The following CHL1 variants were observed in gnomAD, a reference collection of about 807,000 sequenced individuals.
CHL1 encodes the protein neural cell adhesion molecule L1-like protein.
Under a neutral mutation model 141.9 loss-of-function variants are expected in CHL1, and 96 were observed. The ratio of observed to expected loss-of-function variants is 0.68; its 90% CI spans 0.57 to 0.80. The LOEUF (loss-of-function observed/expected upper bound fraction) is 0.80. Among genes scored for constraint, CHL1 ranks in the 30% least tolerant of loss-of-function variants. The pLI is 0.00. For synonymous variants in CHL1, 613 were observed against 502.2 expected (o/e 1.22, Z -2.95); for missense variants, 1,820 against 1,457.2 (o/e 1.25, Z -4.05).
chr3:315,638 C>T (rs1390884956), intron 2 of CHL1, among the ~76,000 whole-genome samples: 1 of 151,752 alleles, frequency 6.6e-6, no homozygotes, highest in Non-Finnish European at 1.5e-5. Flanking sequence ...GGAAGTTGCC[C>T]TAGGAGGTAC....
At position 335,893 on chromosome 3, in the gene CHL1, G is replaced by C. The variant is rs140376385; in HGVS notation, c.386-4901G>C. 7.1e-3 allele frequency among the ~76,000 whole-genome samples: 1,086 copies of C among 152,260 alleles called. 17 individuals carry two copies. The highest frequency in any genetic ancestry group is 0.025 in the African/African-American group (1,042 of 41,532). On this transcript the variant is annotated intron_variant, in intron 5 of 27. Transcript: ENST00000256509. ...TGGCCTACCTTGTCTCTGTGCGTTT[G>C]GCTGTACCATGCAAAGTGAAAATAT...
At chr3:207,952 A>T (rs890962343) in intron 1 of CHL1, among the ~76,000 whole-genome samples, 2 of 152,204 alleles carry the variant, frequency 1.3e-5, no homozygotes. Flanking sequence ...GTCAAGTTCA[A>T]ATAAATTGGA....
intron 1 of CHL1, among the ~76,000 whole-genome samples, chr3:218,032 G>T (rs74745597): frequency 6.6e-6 from 1 of 152,026 alleles, no homozygotes; most frequent in Non-Finnish European, 1.5e-5. Context: ...GGGTGCTTTG[G>T]GGGCTGTTGT....
chr3:202,663 T>C (rs1241957800), intron 1 of CHL1, among the ~76,000 whole-genome samples: 1 of 152,202 alleles, frequency 6.6e-6, no homozygotes, highest in East Asian at 1.9e-4. Flanking sequence ...GTCCACAAGA[T>C]TGTGTTGGGC....
chr3:239,390 C>G (rs780304164), intron 1 of CHL1, among the ~76,000 whole-genome samples: 11 of 152,080 alleles, frequency 7.2e-5, no homozygotes, highest in Non-Finnish European at 1.3e-4. Flanking sequence ...ACACTTGCTC[C>G]GTTTTCAGTC....
intron 1 of CHL1, among the ~76,000 whole-genome samples, chr3:219,005 T>A (rs922644018): frequency 6.6e-6 from 1 of 151,874 alleles, no homozygotes; most frequent in Non-Finnish European, 1.5e-5. Flanking sequence ...AAAAATTAGC[T>A]GGGCATGGTG....
Position 260,742 on chromosome 3 carries a change from C to T in CHL1, c.-95+16050C>T, listed in dbSNP as rs953366737. Among the ~76,000 whole-genome samples, 5 of 152,250 alleles carry T rather than the reference C, an allele frequency of 3.3e-5. No homozygotes were observed. In the East Asian group the frequency reaches 7.7e-4, roughly 23 times the overall value. The stretch of plus-strand genomic sequence containing the variant: ...TGGAAAGAAAAAGTCTACATAAAAA[C>T]CTTCCTTGGAAGGAGAAACTCTTAT... On this transcript the variant is annotated intron_variant, in intron 2 of 27. Transcript: ENST00000256509.
chr3:341,014 A>T (rs1702306463), intron 6 of CHL1, 98 bp downstream of exon 6: 1 of 1,313,606 alleles, frequency 7.6e-7, no homozygotes, highest in Non-Finnish European at 1.1e-6. Flanking sequence ...AAAAATAAAG[A>T]TCTCTTAATT....
intron 2 of CHL1, among the ~76,000 whole-genome samples, chr3:304,059 A>G (rs1049975353): frequency 6.6e-5 from 10 of 152,190 alleles, no homozygotes; most frequent in African/African-American, 2.4e-4. Flanking sequence ...CCAGCCTTGC[A>G]TCCCAGGTAC....
At chr3:248,512 T>A (rs1473022221) in intron 2 of CHL1, 1 of 152,204 alleles carries the variant, frequency 6.6e-6, no homozygotes, top group South Asian at 2.1e-4. Context: ...ACATATTTAA[T>A]GTGTACAATT....
At chr3:372,904 A>G (rs1311331043) in intron 15 of CHL1, among the ~76,000 whole-genome samples, 1 of 150,842 alleles carries the variant, frequency 6.6e-6, no homozygotes, top group East Asian at 2.0e-4. Flanking sequence ...TTCAGTCCCT[A>G]TTCATCTGGT....
At chr3:206,990 T>C (rs933830303) in intron 1 of CHL1, among the ~76,000 whole-genome samples, 1 of 152,232 alleles carries the variant, frequency 6.6e-6, no homozygotes, top group Non-Finnish European at 1.5e-5. Flanking sequence ...ATCTCAGCAT[T>C]GCTGTTCTTG....
chr3:283,992 C>T (rs1218047835), intron 2 of CHL1, among the ~76,000 whole-genome samples: 3 of 152,182 alleles, frequency 2.0e-5, no homozygotes, highest in African/African-American at 4.8e-5. Flanking sequence ...GTCACACTCT[C>T]CCTCACTGAT....
chr3:366,436 A>T (rs1417187698), intron 15 of CHL1, among the ~76,000 whole-genome samples: 2 of 150,584 alleles, frequency 1.3e-5, no homozygotes, highest in African/African-American at 4.9e-5. Flanking sequence ...ACACCACTGT[A>T]CTCCAGCCTG....
At position 405,577 on chromosome 3, in the gene CHL1, G is replaced by C; in HGVS notation, c.3541G>C (p.Val1181Leu). ...GCCTACTGAAAGTGCTGACAGCTTA[G>C]TCGAATACGGAGAGGGAGACCATGG... ...MQPTESADSLVEYGEGDHGLF... is the reference protein window; with the variant it reads ...MQPTESADSLLEYGEGDHGLF... The change falls in exon 28 of 28, where the codon GTC becomes CTC. Residue 1181 changes from valine to leucine, a missense_variant. Physicochemically the swap from Val to Leu is conservative, Grantham distance 32. Transcript: ENST00000256509. 4 of 1,613,574 alleles carry C rather than the reference G, an allele frequency of 2.5e-6. No individual in the cohort carries two copies. The highest frequency in any genetic ancestry group is 3.4e-6 in the Non-Finnish European group (4 of 1,179,582).
Position 378,680 on chromosome 3 carries a change from G to A in CHL1, c.1876+738G>A, listed in dbSNP as rs548276182. ...TATTTGGTTCAGCAAGTGGAGGGCC[G>A]TTTGGAGTGTTGTACTGATTCTCCC... On this transcript the variant is annotated intron_variant, in intron 16 of 27. Transcript: ENST00000256509. 1.2e-4 allele frequency among the ~76,000 whole-genome samples: 18 copies of A among 152,240 alleles called. No individual in the cohort carries two copies. In the South Asian group the frequency reaches 1.7e-3, roughly 14 times the overall value.
At chr3:342,413 G>C (rs762415441) in intron 7 of CHL1, among the ~76,000 whole-genome samples, 6 of 152,126 alleles carry the variant, frequency 3.9e-5, no homozygotes, top group Non-Finnish European at 5.9e-5. Flanking sequence ...TGTGATCTTG[G>C]ATAAACTGGC....
At position 242,344 on chromosome 3, in the gene CHL1, C is replaced by T. The variant is rs187341935; in HGVS notation, c.-174-2269C>T. 1.6e-3 allele frequency among the ~76,000 whole-genome samples: 243 copies of T among 149,756 alleles called. 2 individuals carry two copies. Among genetic ancestry groups the T allele is most frequent in the African/African-American group, 5.6e-3 (227 of 40,822 alleles). ...GAGCGCGGTGGCTCACGCCTGTAAT[C>T]CCAGCACTTTGGGAGGCTGAGGGGG... On this transcript the variant is annotated intron_variant, in intron 1 of 27. Coordinates refer to ENST00000256509, the MANE Select transcript of CHL1 (RefSeq NM_006614.4).
intron 12 of CHL1, among the ~76,000 whole-genome samples, chr3:361,308 T>C (rs930752519): frequency 1.3e-4 from 19 of 144,962 alleles, no homozygotes; most frequent in Non-Finnish European, 2.6e-4. Context: ...GACATAGGCA[T>C]GGGCAAGGAC....
Sources: allele counts gnomAD v4.1 joint callset (sites outside exome capture counted in the v4.1 genomes callset), GRCh38; gene constraint gnomAD v4.1.1; transcripts MANE v1.5; gene names NCBI Gene and HGNC (gene_info 2026-07-23, HGNC 2026-07-21).